ORC4: variants seen among roughly 807,000 people sequenced by gnomAD.
The protein encoded by ORC4 is origin recognition complex, subunit 4 homolog.
A neutral mutation model predicts 63.9 loss-of-function variants in ORC4; 55 were observed. The ratio of observed to expected loss-of-function variants is 0.86; its 90% CI spans 0.69 to 1.08. ORC4 has a LOEUF of 1.08. Among genes scored for constraint, ORC4 ranks in the 50% least tolerant of loss-of-function variants. ORC4 has a pLI of 0.00. For missense variants in ORC4, 511 were observed against 504.4 expected, an observed-to-expected ratio of 1.01 and a Z score of -0.13; for synonymous variants, 150 against 168.5, an observed-to-expected ratio of 0.89 and a Z score of 0.85.
Position 147,931,068 on chromosome 2 carries a change from C to CATT in ORC4, c.*4439_*4441dup, listed in dbSNP as rs1446901698. On this transcript the variant is annotated 3_prime_UTR_variant, in exon 14 of 14. Transcript: ENST00000392857. ...TCCCCTTCCTGTGTCCATGTGATCT[C>CATT]ATTGTTCAATTCCCACCTATGAGTG... is the stretch of plus-strand genomic sequence containing the variant. 1 of 143,616 alleles carries CATT rather than the reference C, an allele frequency of 7.0e-6. No homozygotes were observed. Among genetic ancestry groups the CATT allele is most frequent in the African/African-American group, 2.6e-5 (1 of 38,592 alleles). The allele number at this position is 143,616 out of a possible 1,614,324, so 8.9% of individuals were successfully genotyped here.
At chr2:147,961,420 G>C (rs1236224024) in intron 4 of ORC4, among the ~76,000 whole-genome samples, 2 of 146,522 alleles carry the variant, frequency 1.4e-5, no homozygotes, top group Non-Finnish European at 3.0e-5. Flanking sequence ...CTGGGCAACA[G>C]AGTGAGACTC....
Position 147,934,559 on chromosome 2 carries a change from C to A in ORC4, c.*951G>T, listed in dbSNP as rs1687941469. On this transcript the variant is annotated 3_prime_UTR_variant, in exon 14 of 14. Transcript: ENST00000392857. Reference sequence around the variant, plus strand: ...TGAGAAATGTGTCTTTGGGTGATTTCATCACTGTATGAACATCACAGAGTA... The same window carrying A: ...TGAGAAATGTGTCTTTGGGTGATTTAATCACTGTATGAACATCACAGAGTA... 2.6e-5 allele frequency: 4 copies of A among 152,082 alleles called. No homozygotes were observed. Among genetic ancestry groups the A allele is most frequent in the African/African-American group, 4.8e-5 (2 of 41,414 alleles). 9.4% of individuals were successfully genotyped at this position (152,082 alleles called of 1,614,324 possible). A position where few individuals can be genotyped will look rare whatever the true frequency, so the allele number is the denominator to read the frequency against.
intron 1 of ORC4, among the ~76,000 whole-genome samples, chr2:147,978,442 G>A (rs1690688384): frequency 6.6e-6 from 1 of 152,200 alleles, no homozygotes; most frequent in African/African-American, 2.4e-5. Context: ...ACAGTGGCAG[G>A]AGCTGAGCTT....
intron 9 of ORC4, among the ~76,000 whole-genome samples, chr2:147,944,703 A>G (rs1415352356): frequency 6.6e-6 from 1 of 151,914 alleles, no homozygotes; most frequent in African/African-American, 2.4e-5. Context: ...CTTTTAAAAA[A>G]AAAAAAAAGC....
chr2:147,991,824 C>T (rs9789434), intron 1 of ORC4, among the ~76,000 whole-genome samples: 50,113 of 151,812 alleles, frequency 0.33, 8,538 homozygotes, highest in East Asian at 0.52. Flanking sequence ...AGCAAGACTC[C>T]GTCTCACAAA....
intron 4 of ORC4, among the ~76,000 whole-genome samples, chr2:147,960,976 G>A (rs941144431): frequency 6.6e-5 from 10 of 152,012 alleles, no homozygotes; most frequent in African/African-American, 2.4e-4. Flanking sequence ...AATATTATAA[G>A]CCACACTATT....
rs759942953 is a variant in ORC4, at chr2:147,975,978, T to TC, written c.-17-4_-17-3insG. The TC allele has an allele frequency of 8.4e-6, 12 of 1,422,830 alleles. No individual in the cohort carries two copies. Among genetic ancestry groups the TC allele is most frequent in the Non-Finnish European group, 1.1e-5 (12 of 1,043,658 alleles). 88.1% of individuals were successfully genotyped at this position (1,422,830 alleles called of 1,614,324 possible). ...GCTCATTTCAACAAATTCAAATCCT[T>TC]TAAAAAAATTGGCATAAATATTATA... On this transcript the variant is annotated splice_polypyrimidine_tract_variant and splice_region_variant and intron_variant, in intron 1 of 13. Transcript: ENST00000392857.
chr2:147,999,939 A>AT (rs1440506251), intron 1 of ORC4, among the ~76,000 whole-genome samples: 3 of 151,990 alleles, frequency 2.0e-5, no homozygotes, highest in Non-Finnish European at 4.4e-5. Context: ...AAAAGAAAAC[A>AT]TAACAGGATA....
chr2:147,975,581 G>A (rs1690500426), intron 2 of ORC4, among the ~76,000 whole-genome samples: 1 of 148,854 alleles, frequency 6.7e-6, no homozygotes, highest in Non-Finnish European at 1.5e-5. Context: ...ACTTAATAAG[G>A]ATAAAATTAA....
intron 4 of ORC4, among the ~76,000 whole-genome samples, chr2:147,971,534 A>G (rs1690210993): frequency 6.6e-6 from 1 of 151,994 alleles, no homozygotes; most frequent in South Asian, 2.1e-4. Context: ...TCATTAGAGA[A>G]TTACAAGTAC....
intron 6 of ORC4, among the ~76,000 whole-genome samples, chr2:147,956,696 T>A (rs1335147703): frequency 6.6e-6 from 1 of 152,122 alleles, no homozygotes; most frequent in African/African-American, 2.4e-5. Flanking sequence ...CGTATCATGT[T>A]TGGCTATGCT....
intron 12 of ORC4, 34 bp downstream of exon 12, chr2:147,938,264 G>A (rs1218041424): frequency 1.9e-6 from 3 of 1,587,670 alleles, no homozygotes; most frequent in Non-Finnish European, 2.6e-6. Flanking sequence ...CAGTGGGGAA[G>A]AGTCAGAAAA....
intron 1 of ORC4, among the ~76,000 whole-genome samples, chr2:148,013,028 T>C (rs1693068828): frequency 6.6e-6 from 1 of 152,190 alleles, no homozygotes; most frequent in Non-Finnish European, 1.5e-5. Flanking sequence ...GAGAACAGTA[T>C]GGAGCTTCCT....
chr2:147,934,560 A>C lies in ORC4; in HGVS notation c.*950T>G, dbSNP rs574407220. The C allele has an allele frequency of 6.6e-6, 1 of 152,220 alleles. No individual in the cohort carries two copies. Among genetic ancestry groups the C allele is most frequent in the East Asian group, 1.9e-4 (1 of 5,172 alleles). 9.4% of individuals were successfully genotyped at this position (152,220 alleles called of 1,614,324 possible). ...GAGAAATGTGTCTTTGGGTGATTTC[A>C]TCACTGTATGAACATCACAGAGTAT... On this transcript the variant is annotated 3_prime_UTR_variant, in exon 14 of 14. Coordinates refer to ENST00000392857, the MANE Select transcript of ORC4 (RefSeq NM_181741.4).
intron 13 of ORC4, 109 bp downstream of exon 13, chr2:147,938,037 C>T (rs914818943): frequency 1.5e-5 from 11 of 756,152 alleles, no homozygotes; most frequent in Middle Eastern, 3.5e-4. Context: ...TGAAAAAAAT[C>T]TCTATAATAC....
intron 8 of ORC4, among the ~76,000 whole-genome samples, chr2:147,948,588 A>C (rs1688780111): frequency 6.6e-6 from 1 of 152,062 alleles, no homozygotes; most frequent in Admixed American, 6.6e-5. Context: ...TAAAAAATTA[A>C]TAGCATGATA....
At chr2:147,944,805 C>G (rs1348022341) in intron 9 of ORC4, among the ~76,000 whole-genome samples, 1 of 151,302 alleles carries the variant, frequency 6.6e-6, no homozygotes, top group Non-Finnish European at 1.5e-5. Context: ...GAAGTAAGTT[C>G]TAGTCTACTG....
At chr2:147,971,536 T>C (rs1187392422) in intron 4 of ORC4, among the ~76,000 whole-genome samples, 3 of 151,918 alleles carry the variant, frequency 2.0e-5, no homozygotes, top group African/African-American at 4.8e-5. Context: ...ATTAGAGAAT[T>C]ACAAGTACAA....
chr2:147,980,347 G>A (rs902413410), intron 1 of ORC4, among the ~76,000 whole-genome samples: 2 of 152,024 alleles, frequency 1.3e-5, no homozygotes, highest in African/African-American at 2.4e-5. Context: ...TAAAGAATAT[G>A]GGATATGTGT....
Sources: gnomAD v4.1 joint callset for allele counts (sites outside exome capture counted in the v4.1 genomes callset) on GRCh38, gnomAD v4.1.1 for gene constraint, MANE v1.5 for transcripts, NCBI Gene and HGNC (gene_info 2026-07-23, HGNC 2026-07-21) for gene names.